SLC16A9: variants seen among roughly 807,000 people sequenced by gnomAD.
SLC16A9 encodes solute carrier family 16 member 9.
Under a neutral mutation model 44.3 loss-of-function variants are expected in SLC16A9, and 26 were observed. The observed-to-expected ratio is 0.59, with a 90% CI of 0.43 to 0.81. SLC16A9 has a LOEUF of 0.81. Among genes scored for constraint, SLC16A9 ranks in the 40% least tolerant of loss-of-function variants. The probability of loss-of-function intolerance (pLI) is 0.00; values close to 1 mark genes in which losing one functional copy is unlikely to be tolerated. For synonymous variants in SLC16A9, 230 were observed against 225.1 expected (o/e 1.02, Z -0.19); for missense variants, 559 against 595.8 (o/e 0.94, Z 0.64).
At chr10:59,708,492 T>C (rs1213337466) in intron 1 of SLC16A9, 1 of 152,208 alleles carries the variant, frequency 6.6e-6, no homozygotes, top group Non-Finnish European at 1.5e-5. Flanking sequence ...GTGCAGGGAA[T>C]GGGAGAATCC....
chr10:59,679,217 GAGAAC>G (rs1340494119), intron 2 of SLC16A9, among the ~76,000 whole-genome samples: 3 of 151,994 alleles, frequency 2.0e-5, no homozygotes, highest in African/African-American at 7.3e-5. Context: ...CTTGAATTTG[GAGAAC>G]AATATCTAGC....
intron 3 of SLC16A9, among the ~76,000 whole-genome samples, chr10:59,666,298 CAAAA>C (rs35476359): frequency 3.9e-5 from 4 of 102,010 alleles, no homozygotes; most frequent in Non-Finnish European, 2.0e-5. Context: ...GACTCTGTCT[CAAAA>C]AAAAAAAAAA....
At chr10:59,696,241 T>C (rs1365617804) in intron 1 of SLC16A9, among the ~76,000 whole-genome samples, 4 of 152,240 alleles carry the variant, frequency 2.6e-5, no homozygotes, top group African/African-American at 4.8e-5. Context: ...GTGCCTGCGA[T>C]TGTAGGCGCG....
At chr10:59,677,748 G>A (rs1839890950) in intron 2 of SLC16A9, among the ~76,000 whole-genome samples, 1 of 152,036 alleles carries the variant, frequency 6.6e-6, no homozygotes, top group African/African-American at 2.4e-5. Flanking sequence ...TAAATGGAGG[G>A]AACAGAAACA....
At chr10:59,698,745 T>G (rs4948354) in intron 1 of SLC16A9, among the ~76,000 whole-genome samples, 1 of 151,704 alleles carries the variant, frequency 6.6e-6, no homozygotes, top group Non-Finnish European at 1.5e-5. Flanking sequence ...TTTTTTTTTT[T>G]CTTTTTTTTT....
intron 2 of SLC16A9, among the ~76,000 whole-genome samples, chr10:59,682,813 T>A (rs1211597267): frequency 0.012 from 1 of 86 alleles, no homozygotes; most frequent in African/African-American, 0.019. Flanking sequence ...ATCCTTATTT[T>A]GAGAAACTAT....
At chr10:59,669,888 T>C (rs1440678449) in intron 3 of SLC16A9, among the ~76,000 whole-genome samples, 1 of 152,192 alleles carries the variant, frequency 6.6e-6, no homozygotes, top group Non-Finnish European at 1.5e-5. Context: ...TCATTGCAAT[T>C]AATCCTGCAA....
chr10:59,696,092 C>G (rs370083309), intron 1 of SLC16A9, among the ~76,000 whole-genome samples: 1 of 151,958 alleles, frequency 6.6e-6, no homozygotes, highest in South Asian at 2.1e-4. Context: ...TCTCCCCTCT[C>G]CCTCTCCGTC....
At chr10:59,682,689 T>A (rs1588982709) in intron 2 of SLC16A9, among the ~76,000 whole-genome samples, 1 of 152,218 alleles carries the variant, frequency 6.6e-6, no homozygotes, top group South Asian at 2.1e-4. Context: ...TTAGAGAACA[T>A]TAAAAAAATT....
At chr10:59,657,255 A>T (rs527753753) in intron 4 of SLC16A9, among the ~76,000 whole-genome samples, 63 of 152,294 alleles carry the variant, frequency 4.1e-4, no homozygotes, top group African/African-American at 1.4e-3. Context: ...CTTGTTAATC[A>T]TACACAAACC....
rs180982307 is a variant in SLC16A9 at position 59,707,162 on chromosome 10, G to A, written c.-37+2317C>T. Among the ~76,000 whole-genome samples, 4 of 150,854 alleles carry A rather than the reference G, an allele frequency of 2.7e-5. No individual in the cohort carries two copies. The East Asian group carries it at 7.9e-4, about 30-fold the overall frequency. On this transcript the variant is annotated intron_variant, in intron 1 of 5. Coordinates refer to ENST00000395348, the MANE Select transcript of SLC16A9 (RefSeq NM_194298.3). ...GCTACTCGGGAGGCTGAGGTGCGAG[G>A]ATCACCTGAGCCTGGTGAAGTCGAG... is the stretch of plus-strand genomic sequence containing the variant.
At chr10:59,664,804 A>G (rs189136721) in intron 3 of SLC16A9, among the ~76,000 whole-genome samples, 155 of 152,336 alleles carry the variant, frequency 1.0e-3, no homozygotes, top group African/African-American at 3.6e-3. Flanking sequence ...CCAGTCTGCA[A>G]TATGAAGGCC....
chr10:59,674,159 T>C (rs1207506203), intron 2 of SLC16A9, among the ~76,000 whole-genome samples: 1 of 152,208 alleles, frequency 6.6e-6, no homozygotes, highest in African/African-American at 2.4e-5. Flanking sequence ...TCATGATACA[T>C]ACACTTTTCT....
chr10:59,695,059 A>T (rs1169375411), intron 1 of SLC16A9, among the ~76,000 whole-genome samples: 1 of 151,912 alleles, frequency 6.6e-6, no homozygotes, highest in Non-Finnish European at 1.5e-5. Context: ...ATTGAAAGAG[A>T]CCACACATTG....
chr10:59,660,233 A>G (rs1839440320), intron 4 of SLC16A9, among the ~76,000 whole-genome samples: 1 of 152,214 alleles, frequency 6.6e-6, no homozygotes, highest in Non-Finnish European at 1.5e-5. Context: ...TGAAAAAATT[A>G]ACAAAATACA....
At chr10:59,697,294 G>C (rs1484074869) in intron 1 of SLC16A9, among the ~76,000 whole-genome samples, 1 of 151,248 alleles carries the variant, frequency 6.6e-6, no homozygotes, top group Non-Finnish European at 1.5e-5. Context: ...ATAGAAAGGG[G>C]GGAAAGGTGG....
intron 1 of SLC16A9, among the ~76,000 whole-genome samples, chr10:59,700,510 A>C (rs1840498950): frequency 6.6e-6 from 1 of 152,236 alleles, no homozygotes; most frequent in African/African-American, 2.4e-5. Context: ...ACTCCATTTT[A>C]AGTTTGTATT....
chr10:59,657,991 A>G (rs1839387142), intron 4 of SLC16A9, among the ~76,000 whole-genome samples: 1 of 152,146 alleles, frequency 6.6e-6, no homozygotes, highest in South Asian at 2.1e-4. Flanking sequence ...CAGTATTAAC[A>G]TTAAAACAGG....
At chr10:59,673,661 T>G (rs1839799139) in intron 2 of SLC16A9, among the ~76,000 whole-genome samples, 2 of 152,184 alleles carry the variant, frequency 1.3e-5, no homozygotes, top group Non-Finnish European at 2.9e-5. Context: ...CCAGAATGGC[T>G]AAAGACAGAC....
Sources: allele counts gnomAD v4.1 joint callset (sites outside exome capture counted in the v4.1 genomes callset), GRCh38; gene constraint gnomAD v4.1.1; transcripts MANE v1.5; gene names NCBI Gene and HGNC (gene_info 2026-07-23, HGNC 2026-07-21).